The following FAM53C variants were observed in gnomAD, a reference collection of about 807,000 sequenced individuals.
FAM53C encodes the protein family with sequence similarity 53 member C, also known as protein FAM53C.
In FAM53C, 10 loss-of-function variants were observed where a neutral mutation model predicts 34.7. The ratio of observed to expected loss-of-function variants is 0.29; its 90% CI spans 0.18 to 0.49. The LOEUF (loss-of-function observed/expected upper bound fraction) is 0.49, where lower values mean the gene tolerates loss of function less well. FAM53C is among the 20% of genes least tolerant of loss of function. The pLI, the probability that FAM53C is intolerant of heterozygous loss-of-function variation, is 0.99. For synonymous variants in FAM53C, 203 were observed against 203.6 expected, an observed-to-expected ratio of 1.00 and a Z score of 0.03; for missense variants, 442 against 515.3, an observed-to-expected ratio of 0.86 and a Z score of 1.38.
At position 138,346,993 on chromosome 5, in the gene FAM53C, T is replaced by A; in HGVS notation, c.*34T>A. The stretch of plus-strand genomic sequence containing the variant: ...GGCTACTTCCTGGGGCCACACAGAC[T>A]GACTCTCTCATGGCTACTAACAAGT... On this transcript the variant is annotated 3_prime_UTR_variant, in exon 5 of 5. Transcript: ENST00000239906. 1 of 1,612,632 alleles carries A rather than the reference T, an allele frequency of 6.2e-7. No homozygotes were observed. The highest frequency in any genetic ancestry group is 8.5e-7 in the Non-Finnish European group (1 of 1,179,530).
At chr5:138,342,744 T>G (rs1307666000) in intron 3 of FAM53C, 4 of 144,714 alleles carry the variant, frequency 2.8e-5, no homozygotes, top group Non-Finnish European at 4.5e-5. Flanking sequence ...AAAAAAAAAT[T>G]GCTGGGCACA....
At chr5:138,343,807 T>C (rs1182325160) in intron 3 of FAM53C, 1 of 152,228 alleles carries the variant, frequency 6.6e-6, no homozygotes, top group Non-Finnish European at 1.5e-5. Context: ...TATTAAAGAC[T>C]TGCTGAAAGC....
At position 138,345,496 on chromosome 5, in the gene FAM53C, C is replaced by T. The variant is rs760393838; in HGVS notation, c.808C>T (p.Arg270Ter). ...WRPRGLRNLP[R>*]SRSQPCDLDA... ...ACCTCGAGGTCTCCGCAACCTTCCC[C>T]GAAGCCGCTCACAGCCTTGTGATCT... The change falls in exon 4 of 5, where the codon CGA (arginine) becomes TGA (stop). Residue 270 changes from arginine to a stop codon, truncating the protein, a stop_gained. Transcript: ENST00000239906. LOFTEE classifies it high-confidence loss of function. This position sits in a 1 kb window ranked among gnomAD's most constrained non-coding sequence, Gnocchi z 6.3. 3 of 1,614,092 alleles carry T rather than the reference C, an allele frequency of 1.9e-6. No individual in the cohort carries two copies. The highest frequency in any genetic ancestry group is 1.1e-5 in the South Asian group (1 of 91,090).
chr5:138,341,361 T>A lies in FAM53C; in HGVS notation c.26T>A (p.Leu9Gln). 2 of 1,614,140 alleles carry A rather than the reference T, an allele frequency of 1.2e-6. No individual in the cohort carries two copies. Residue 9 changes from leucine (L) to glutamine (Q), a missense_variant, in exon 2 of 5, where the codon CTA becomes CAA. Leu to Gln is a moderately radical substitution (Grantham distance 113). Coordinates refer to ENST00000239906, the MANE Select transcript of FAM53C (RefSeq NM_016605.3). ...ATGATAACCCTGATCACTGAGCAGC[T>A]ACAGAAGCAGACTCTGGATGAGCTG... is the stretch of plus-strand genomic sequence containing the variant. MITLITEQ[L>Q]QKQTLDELKC...
intron 3 of FAM53C, chr5:138,342,256 TAA>T (rs1761054767): frequency 1.1e-5 from 2 of 182,426 alleles, no homozygotes; most frequent in Admixed American, 6.0e-5. Flanking sequence ...TTTCTTTATA[TAA>T]AAAGAAGCAA....
intron 3 of FAM53C, 111 bp from the exon 4 acceptor site, chr5:138,344,714 A>G: frequency 6.5e-6 from 6 of 917,320 alleles, no homozygotes; most frequent in Non-Finnish European, 9.6e-6. Context: ...CTACCTCATA[A>G]GGTTTTTGGA....
intron 3 of FAM53C, among the ~76,000 whole-genome samples, chr5:138,344,548 A>G (rs1156504016): frequency 1.3e-5 from 2 of 152,240 alleles, no homozygotes; most frequent in African/African-American, 2.4e-5. Context: ...GTTGGTCACA[A>G]TGGAGGCAAT....
Position 138,347,077 on chromosome 5 carries a change from C to T in FAM53C, c.*118C>T, listed in dbSNP as rs1438827969. 5.9e-6 allele frequency: 8 copies of T among 1,364,676 alleles called. No homozygotes were observed. The highest frequency in any genetic ancestry group is 7.0e-6 in the Non-Finnish European group (7 of 994,622). 84.5% of individuals were successfully genotyped at this position (1,364,676 alleles called of 1,614,324 possible). ...AATGGGGGTGAGTGGAGGGCTCCGA[C>T]TCAGGGCAGCTGGAAATCTTCTCGC... On this transcript the variant is annotated 3_prime_UTR_variant, in exon 5 of 5. Transcript: ENST00000239906.
chr5:138,340,551 G>A (rs557843102), intron 1 of FAM53C, among the ~76,000 whole-genome samples: 12 of 152,318 alleles, frequency 7.9e-5, no homozygotes, highest in Non-Finnish European at 1.5e-4. Flanking sequence ...AAACTTAGTT[G>A]AACAGTCATG....
chr5:138,340,509 G>A (rs1010770212), intron 1 of FAM53C, among the ~76,000 whole-genome samples: 5 of 152,192 alleles, frequency 3.3e-5, no homozygotes, highest in Admixed American at 2.6e-4. Context: ...TTGGTTAACT[G>A]TATCCATGGA....
At chr5:138,346,201 C>T (rs983282324) in intron 4 of FAM53C, among the ~76,000 whole-genome samples, 3 of 152,240 alleles carry the variant, frequency 2.0e-5, no homozygotes, top group African/African-American at 4.8e-5. Context: ...TCCATCCCAT[C>T]TGCAAACATT....
chr5:138,341,607 A>G, intron 2 of FAM53C, 194 bp downstream of exon 2: 1 of 738,482 alleles, frequency 1.4e-6, no homozygotes, highest in Non-Finnish European at 2.3e-6. Flanking sequence ...AGGGACAGCA[A>G]AACTTGGGTG....
At position 138,345,069 on chromosome 5, in the gene FAM53C, G is replaced by C. The variant is rs749849506; in HGVS notation, c.381G>C (p.Leu127=). The C allele has an allele frequency of 9.3e-6, 15 of 1,613,878 alleles. No individual in the cohort carries two copies. Among genetic ancestry groups the C allele is most frequent in the Non-Finnish European group, 1.3e-5 (15 of 1,179,890 alleles). The change falls in exon 4 of 5, where the codon CTG becomes CTC. Residue 127 remains leucine, a synonymous_variant. Transcript: ENST00000239906. The surrounding 1 kb of genome is among the most constrained non-coding windows in gnomAD (Gnocchi z 6.3). ...GCTCACTCTCAGTGCCCGTGGACCT[G>C]TCTCGCTGGCAGCCGGTGTGGCGGC... ...HCRSLSVPVD[L]SRWQPVWRPA... is the part of the protein sequence containing the mutation.
At chr5:138,337,766 C>T (rs1760813003), upstream of FAM53C, 1 of 371,228 alleles carries the variant, frequency 2.7e-6, no homozygotes, top group East Asian at 8.0e-5. Flanking sequence ...CACTTCCCAG[C>T]AGCCTTCACG....
chr5:138,343,521 A>G (rs925448228), intron 3 of FAM53C, among the ~76,000 whole-genome samples: 1 of 152,078 alleles, frequency 6.6e-6, no homozygotes, highest in African/African-American at 2.4e-5. Context: ...AAAAAAAAAA[A>G]AAAGAAAGAA....
At chr5:138,342,901 G>C (rs1761071204) in intron 3 of FAM53C, 1 of 151,324 alleles carries the variant, frequency 6.6e-6, no homozygotes, top group Admixed American at 6.6e-5. Context: ...GTACACACCT[G>C]TAATCCCAGC....
intron 1 of FAM53C, 79 bp from the exon 2 acceptor site, chr5:138,341,105 G>T (rs1761020592): frequency 1.6e-6 from 1 of 636,376 alleles, no homozygotes; most frequent in Non-Finnish European, 3.0e-6. Flanking sequence ...GGGTGCTGTG[G>T]TATGTGTGCC....
At chr5:138,339,617 C>T (rs17171802) in intron 1 of FAM53C, among the ~76,000 whole-genome samples, 4,548 of 152,202 alleles carry the variant, frequency 0.03, 94 homozygotes, top group Non-Finnish European at 0.045. Flanking sequence ...CACTTAGGTT[C>T]CCTCTCTGGT....
upstream of FAM53C, chr5:138,337,806 G>A: frequency 2.3e-6 from 1 of 442,168 alleles, no homozygotes. Flanking sequence ...TGGGGGAAGG[G>A]GGATTCCTTC....
Sources: gnomAD v4.1 joint callset for allele counts (sites outside exome capture counted in the v4.1 genomes callset) on GRCh38, gnomAD v4.1.1 for gene constraint, Gnocchi (gnomAD v3.1) non-coding constraint, MANE v1.5 for transcripts, NCBI Gene and HGNC (gene_info 2026-07-23, HGNC 2026-07-21) for gene names.